The following POLR2F variants were observed in gnomAD, a reference collection of about 807,000 sequenced individuals.
POLR2F encodes DNA-directed RNA polymerases I, II, and III subunit RPABC2.
In POLR2F, 12 loss-of-function variants were observed where a neutral mutation model predicts 22.7. That is an observed-to-expected ratio of 0.53 (90% CI 0.34 to 0.86). POLR2F has a LOEUF of 0.86. POLR2F is among the 40% of genes least tolerant of loss of function. The probability of loss-of-function intolerance (pLI) is 0.02; values close to 1 mark genes in which losing one functional copy is unlikely to be tolerated. For synonymous variants in POLR2F, 57 were observed against 66.0 expected, an observed-to-expected ratio of 0.86 and a Z score of 0.66; for missense variants, 126 against 171.5, an observed-to-expected ratio of 0.73 and a Z score of 1.48.
chr22:37,984,433 G>C (rs1182979777), upstream of POLR2F: 4 of 151,674 alleles, frequency 2.6e-5, no homozygotes, highest in African/African-American at 9.7e-5. The surrounding 1 kb of genome is among the most constrained non-coding windows in gnomAD (Gnocchi z 4.4). Context: ...GGGAGGTGAC[G>C]CTGGTGGGCT....
intron 1 of POLR2F, among the ~76,000 whole-genome samples, chr22:37,991,008 G>A (rs1932715775): frequency 6.6e-6 from 1 of 152,212 alleles, no homozygotes; most frequent in Non-Finnish European, 1.5e-5. Flanking sequence ...AGGGTGGGAC[G>A]TGGTGGTTCA....
intron 1 of POLR2F, among the ~76,000 whole-genome samples, chr22:37,992,390 CTTT>C (rs922923630): frequency 1.4e-5 from 2 of 145,576 alleles, no homozygotes; most frequent in Non-Finnish European, 3.0e-5. Context: ...ATTGCTTCTT[CTTT>C]TTTTTTTTTT....
At chr22:38,026,144 C>T (rs1450334379) in exon 2 of POLR2F, 1 of 533,344 alleles carries the variant, frequency 1.9e-6, no homozygotes, top group Non-Finnish European at 3.8e-6. Context: ...CCTTCAGATG[C>T]CTGGTAGGCG....
At chr22:37,983,331 A>AG, upstream of POLR2F, 1 of 1,593,026 alleles carries the variant, frequency 6.3e-7, no homozygotes, top group Middle Eastern at 2.2e-4. The surrounding 1 kb of genome is among the most constrained non-coding windows in gnomAD (Gnocchi z 9.5). Context: ...AGAGGGCCCG[A>AG]GCCCGGGGGG....
At chr22:37,994,238 G>A (rs769336734) in intron 1 of POLR2F, among the ~76,000 whole-genome samples, 35 of 152,120 alleles carry the variant, frequency 2.3e-4, no homozygotes, top group African/African-American at 6.8e-4. Flanking sequence ...CAGGGGCTTC[G>A]GTTCACACAG....
intron 1 of POLR2F, among the ~76,000 whole-genome samples, chr22:37,956,029 T>C (rs1931380712): frequency 6.6e-6 from 1 of 151,904 alleles, no homozygotes; most frequent in Non-Finnish European, 1.5e-5. Context: ...TCCTACATAC[T>C]GGGCGAGACA....
Position 38,010,602 on chromosome 22 carries a change from G to GGTTTTTTT in POLR2F, c.121-15267_121-15266insGTTTTTTT, listed in dbSNP as rs1382349551. On this transcript the variant is annotated intron_variant, in intron 1 of 2. Transcript: ENST00000333418. ...TAAATATGTAGTAATAATTCCTTGTGTTTTTTTTTTTTTTTTTTTTTTTTT... is the reference window on the plus strand; with the variant it reads ...TAAATATGTAGTAATAATTCCTTGTGGTTTTTTTTTTTTTTTTTTTTTTTTTTTTTTTT... Among the ~76,000 whole-genome samples the GGTTTTTTT allele has an allele frequency of 2.1e-3, 125 of 60,894 alleles. 1 individual carries two copies. Among genetic ancestry groups the GGTTTTTTT allele is most frequent in the African/African-American group, 8.9e-3 (123 of 13,880 alleles). The allele number at this position is 60,894 out of a possible 152,430, so 39.9% of individuals were successfully genotyped here.
downstream of POLR2F, chr22:37,973,869 G>T (rs754480545): frequency 1.9e-6 from 3 of 1,609,682 alleles, no homozygotes; most frequent in Admixed American, 1.7e-5. Flanking sequence ...GAGACCGTGG[G>T]CAGAGCCACG....
chr22:38,017,871 A>G lies in POLR2F; in HGVS notation c.121-7998A>G, dbSNP rs111325414. Among the ~76,000 whole-genome samples, 17 of 152,346 alleles carry G rather than the reference A, an allele frequency of 1.1e-4. No homozygotes were observed. The highest frequency in any genetic ancestry group is 4.1e-4 in the African/African-American group (17 of 41,582). The stretch of plus-strand genomic sequence containing the variant: ...GGTTCCAGTTCTACTCATTGGAACC[A>G]TATGGAACAAGTTAAGCCTCCCTGA... On this transcript the variant is annotated intron_variant, in intron 1 of 2. Transcript: ENST00000333418. This position sits in a 1 kb window ranked among gnomAD's most constrained non-coding sequence, Gnocchi z 4.1.
At chr22:37,973,459 G>A (rs1228797645), downstream of POLR2F, 1 of 1,372,132 alleles carries the variant, frequency 7.3e-7, no homozygotes, top group Non-Finnish European at 1.0e-6. Flanking sequence ...GCTGGGGGCA[G>A]GGGCTGGGCG....
chr22:38,023,667 T>A (rs2084980076), intron 1 of POLR2F, among the ~76,000 whole-genome samples: 1 of 151,938 alleles, frequency 6.6e-6, no homozygotes. Context: ...TCTGTCTCTA[T>A]GATTTTTGCT....
intron 1 of POLR2F, among the ~76,000 whole-genome samples, chr22:38,013,226 AC>A (rs2084887577): frequency 6.6e-6 from 1 of 151,598 alleles, no homozygotes; most frequent in African/African-American, 2.4e-5. Context: ...GTTCACTGCA[AC>A]CTCTGCCTCC....
chr22:37,995,875 C>T (rs2084708630), intron 1 of POLR2F, among the ~76,000 whole-genome samples: 1 of 151,912 alleles, frequency 6.6e-6, no homozygotes, highest in Non-Finnish European at 1.5e-5. Context: ...TGGTGTGTGC[C>T]TGTAGTCCCA....
intron 1 of POLR2F, among the ~76,000 whole-genome samples, chr22:38,015,604 C>T (rs1046903514): frequency 1.3e-5 from 2 of 152,082 alleles, no homozygotes; most frequent in African/African-American, 4.8e-5. Context: ...AGTTAGGAGC[C>T]CTGGGTTGGA....
upstream of POLR2F, among the ~76,000 whole-genome samples, chr22:37,982,910 C>T (rs890911638): frequency 6.6e-6 from 1 of 152,222 alleles, no homozygotes; most frequent in Non-Finnish European, 1.5e-5. Context: ...CTTTAAACCT[C>T]CCCTGAGTTC....
Position 38,014,806 on chromosome 22 carries a change from A to AT in POLR2F, c.121-11044dup, listed in dbSNP as rs71737468. ...CTCACACCTGTATTTGTATTTTTGT[A>AT]TTTTTTTTTTTTTTTTTTTGAGATG... On this transcript the variant is annotated intron_variant, in intron 1 of 2. Coordinates refer to the POLR2F transcript ENST00000333418. Among the ~76,000 whole-genome samples the AT allele has an allele frequency of 3.2e-3, 309 of 96,928 alleles. 3 individuals carry two copies. The highest frequency in any genetic ancestry group is 0.031 in the South Asian group (87 of 2,802). 63.6% of individuals were successfully genotyped at this position (96,928 alleles called of 152,430 possible). A position where few individuals can be genotyped will look rare whatever the true frequency, so the allele number is the denominator to read the frequency against.
chr22:38,031,087 C>T (rs559858703), downstream of POLR2F, among the ~76,000 whole-genome samples: 2 of 152,014 alleles, frequency 1.3e-5, no homozygotes, highest in South Asian at 2.1e-4. The surrounding 1 kb of genome is among the most constrained non-coding windows in gnomAD (Gnocchi z 4.1). Context: ...TCGGTGTCGC[C>T]CCCTCCCTCC....
intron 5 of POLR2F, among the ~76,000 whole-genome samples, chr22:38,037,386 G>A (rs909834621): frequency 6.6e-6 from 1 of 151,390 alleles, no homozygotes; most frequent in Non-Finnish European, 1.5e-5. Context: ...CGATCCTCCC[G>A]CCTCAGCCTC....
Position 37,968,380 on chromosome 22 carries a change from T to C in POLR2F, c.*665T>C, listed in dbSNP as rs1931942240. ...AGGACTCTGCCCACACGCTGTCCTC[T>C]GTGGCCCACCTCTTTGGTGTGCCAC... On this transcript the variant is annotated 3_prime_UTR_variant, in exon 5 of 5. Transcript: ENST00000442738. 3 of 985,698 alleles carry C rather than the reference T, an allele frequency of 3.0e-6. No individual in the cohort carries two copies. The highest frequency in any genetic ancestry group is 3.6e-6 in the Non-Finnish European group (3 of 830,120). The allele number at this position is 985,698 out of a possible 1,614,324, so 61.1% of individuals were successfully genotyped here.
Sources: gnomAD v4.1 joint callset for allele counts (sites outside exome capture counted in the v4.1 genomes callset) on GRCh38, gnomAD v4.1.1 for gene constraint, Gnocchi (gnomAD v3.1) non-coding constraint, MANE v1.5 for transcripts, NCBI Gene and HGNC (gene_info 2026-07-23, HGNC 2026-07-21) for gene names.